Variants in ZNF362 observed in about 807,000 individuals in gnomAD.
ZNF362 encodes the protein zinc finger protein 362, also known as rotund homolog.
ZNF362 carries 11 observed loss-of-function variants against 42.9 expected under a neutral mutation model. That is an observed-to-expected ratio of 0.26 (90% CI 0.16 to 0.42). ZNF362 has a LOEUF of 0.42. ZNF362 is among the 20% of genes least tolerant of loss of function. ZNF362 has a pLI of 1.00. For synonymous variants in ZNF362, 255 were observed against 257.3 expected (o/e 0.99, Z 0.09); for missense variants, 362 against 576.2 (o/e 0.63, Z 3.81).
the ZNF362 span, among the ~76,000 whole-genome samples, chr1:33,188,621 C>G: frequency 1.3e-5 from 2 of 152,194 alleles, no homozygotes; most frequent in Non-Finnish European, 2.9e-5. Flanking sequence ...GGTACCATGT[C>G]AAGAGCTCAG....
At chr1:33,130,844 A>G in the ZNF362 span, among the ~76,000 whole-genome samples, 1 of 152,356 alleles carries the variant, frequency 6.6e-6, no homozygotes, top group East Asian at 1.9e-4. Context: ...TGAATTGTGC[A>G]GTGGCTGTGC....
the ZNF362 span, among the ~76,000 whole-genome samples, chr1:33,155,710 C>A: frequency 2.2e-4 from 34 of 152,338 alleles, no homozygotes; most frequent in Middle Eastern, 3.4e-3. Flanking sequence ...TCCCACTTCT[C>A]AGGGAGAATT....
At chr1:33,251,825 G>A (rs1038547332), upstream of ZNF362, among the ~76,000 whole-genome samples, 1 of 152,194 alleles carries the variant, frequency 6.6e-6, no homozygotes, top group African/African-American at 2.4e-5. Flanking sequence ...AGCCTCGTAT[G>A]AGACCTAATT....
At chr1:33,136,488 C>G in the ZNF362 span, among the ~76,000 whole-genome samples, 36 of 151,806 alleles carry the variant, frequency 2.4e-4, no homozygotes, top group Non-Finnish European at 1.0e-4. Flanking sequence ...CATGCCTCAG[C>G]CTACCGAGTA....
the ZNF362 span, among the ~76,000 whole-genome samples, chr1:33,206,932 T>C: frequency 6.6e-6 from 1 of 152,164 alleles, no homozygotes; most frequent in South Asian, 2.1e-4. Flanking sequence ...TTGGGGAGGA[T>C]ATGGAGAAAC....
the ZNF362 span, among the ~76,000 whole-genome samples, chr1:33,178,085 T>A: frequency 1.3e-5 from 2 of 152,172 alleles, no homozygotes; most frequent in African/African-American, 4.8e-5. Context: ...GGTAGGGTGT[T>A]GGGAGACTCC....
At chr1:33,181,302 G>A in the ZNF362 span, 2 of 1,555,638 alleles carry the variant, frequency 1.3e-6, no homozygotes, top group Admixed American at 3.9e-5. The surrounding 1 kb of genome is among the most constrained non-coding windows in gnomAD (Gnocchi z 6.5). Flanking sequence ...GGCGCCCTGC[G>A]CCTCCTGCCG....
chr1:33,275,169 T>C, intron 2 of ZNF362: 1 of 985,430 alleles, frequency 1.0e-6, no homozygotes, highest in Non-Finnish European at 1.2e-6. Flanking sequence ...ATGGAAACCC[T>C]CTGTGAGGCA....
At chr1:33,149,516 G>A in the ZNF362 span, among the ~76,000 whole-genome samples, 1 of 152,048 alleles carries the variant, frequency 6.6e-6, no homozygotes, top group Non-Finnish European at 1.5e-5. Flanking sequence ...GTGCAGTAGT[G>A]TCATCATAGC....
intron 2 of ZNF362, among the ~76,000 whole-genome samples, chr1:33,274,121 G>T (rs531133414): frequency 6.6e-6 from 1 of 152,164 alleles, no homozygotes; most frequent in Non-Finnish European, 1.5e-5. Context: ...TCACCTGTGG[G>T]GTCGCAGCCG....
Position 33,281,856 on chromosome 1 carries a change from G to A in ZNF362, c.908+45G>A, listed in dbSNP as rs767018302. 6.3e-7 allele frequency: 1 copy of A among 1,599,406 alleles called. No homozygotes were observed. Among genetic ancestry groups the A allele is most frequent in the South Asian group, 1.1e-5 (1 of 90,428 alleles). On this transcript the variant is annotated intron_variant, in intron 6 of 8. Transcript: ENST00000539719. The surrounding 1 kb of genome is among the most constrained non-coding windows in gnomAD (Gnocchi z 4.8). ...CCCTGCTGCAGCCCGACTCAGCTCA[G>A]CACCCGTGGCCTGGCACATGGAGCC...
chr1:33,213,960 GA>G, the ZNF362 span, among the ~76,000 whole-genome samples: 1 of 152,098 alleles, frequency 6.6e-6, no homozygotes, highest in African/African-American at 2.4e-5. Flanking sequence ...AAAGTCTAGG[GA>G]TTTTACTGAG....
At chr1:33,149,406 G>A in the ZNF362 span, among the ~76,000 whole-genome samples, 2 of 145,080 alleles carry the variant, frequency 1.4e-5, no homozygotes, top group South Asian at 2.2e-4. Context: ...TGCCCACCTC[G>A]GCCTCCCAAA....
intron 6 of ZNF362, among the ~76,000 whole-genome samples, chr1:33,290,895 A>C (rs895025869): frequency 6.6e-6 from 1 of 152,156 alleles, no homozygotes; most frequent in African/African-American, 2.4e-5. Context: ...TCCTTTGCCC[A>C]CTTGTTGATG....
Position 33,281,547 on chromosome 1 carries a change from T to C in ZNF362, c.684-40T>C. ...AAGGCCTCCCCTGAGATGGACAGTC[T>C]GGGGGATCTTCCCACGTGAACCTGT... On this transcript the variant is annotated intron_variant, in intron 5 of 8. Transcript: ENST00000539719. This position sits in a 1 kb window ranked among gnomAD's most constrained non-coding sequence, Gnocchi z 4.8. 1 of 1,603,564 alleles carries C rather than the reference T, an allele frequency of 6.2e-7. No individual in the cohort carries two copies. The highest frequency in any genetic ancestry group is 8.5e-7 in the Non-Finnish European group (1 of 1,170,706).
the ZNF362 span, among the ~76,000 whole-genome samples, chr1:33,245,249 C>G: frequency 1.3e-5 from 2 of 152,160 alleles, no homozygotes; most frequent in Non-Finnish European, 1.5e-5. Flanking sequence ...CCCATTTTTA[C>G]AGGTGGAAAA....
chr1:33,296,684 C>A (rs1646126914), intron 8 of ZNF362, among the ~76,000 whole-genome samples: 2 of 152,132 alleles, frequency 1.3e-5, no homozygotes, highest in African/African-American at 4.8e-5. Context: ...GAGTGCGAAC[C>A]CCCTGAGGGG....
At chr1:33,174,244 C>T in the ZNF362 span, among the ~76,000 whole-genome samples, 1 of 151,668 alleles carries the variant, frequency 6.6e-6, no homozygotes, top group Non-Finnish European at 1.5e-5. Flanking sequence ...TGCAGTGGCA[C>T]CATCACAGCT....
chr1:33,163,304 G>A, the ZNF362 span: 28 of 152,286 alleles, frequency 1.8e-4, no homozygotes, highest in African/African-American at 6.3e-4. Context: ...CTCCCAAAGT[G>A]CTAGGATTAC....
Sources: allele counts gnomAD v4.1 joint callset (sites outside exome capture counted in the v4.1 genomes callset), GRCh38; gene constraint gnomAD v4.1.1; non-coding constraint Gnocchi (gnomAD v3.1); transcripts MANE v1.5; gene names NCBI Gene and HGNC (gene_info 2026-07-23, HGNC 2026-07-21).